GPC5: variants seen among roughly 807,000 people sequenced by gnomAD.
GPC5 encodes the protein glypican-5.
A neutral mutation model predicts 53.9 loss-of-function variants in GPC5; 47 were observed. The ratio of observed to expected loss-of-function variants is 0.87; its 90% CI spans 0.69 to 1.11. The LOEUF (loss-of-function observed/expected upper bound fraction) is 1.11. GPC5 is among the 50% of genes most tolerant of loss of function. The pLI is 0.00. For missense variants in GPC5, 748 were observed against 713.1 expected (o/e 1.05, Z -0.56); for synonymous variants, 286 against 263.3 (o/e 1.09, Z -0.84).
rs527509188 is a variant in GPC5 at position 91,696,819 on chromosome 13, T to G, written c.1020+2938T>G. ...CAAGATAATTTTTTAAATTTCATAA[T>G]TCTGTGATTTTATTAAGACAAAGTT... On this transcript the variant is annotated intron_variant, in intron 3 of 7. Coordinates refer to ENST00000377067, the MANE Select transcript of GPC5 (RefSeq NM_004466.6). Among the ~76,000 whole-genome samples the G allele has an allele frequency of 3.9e-3, 596 of 152,362 alleles. 2 individuals are homozygous for G. The highest frequency in any genetic ancestry group is 6.8e-3 in the Middle Eastern group (2 of 294).
rs187495354 is a variant in GPC5, at chr13:92,195,219, C to T, written c.1561+50230C>T. ...CTCTAATCTAGAGACAGCCAAAAAA[C>T]GGTGGTGGTGGTTGTTCTTTTTAAT... is the stretch of plus-strand genomic sequence containing the variant. On this transcript the variant is annotated intron_variant, in intron 7 of 7. Transcript: ENST00000377067. 1.0e-3 allele frequency among the ~76,000 whole-genome samples: 156 copies of T among 152,110 alleles called. 1 individual carries two copies. The highest frequency in any genetic ancestry group is 6.8e-3 in the Middle Eastern group (2 of 294).
At chr13:91,982,483 GA>G (rs530802836) in intron 6 of GPC5, among the ~76,000 whole-genome samples, 127 of 143,698 alleles carry the variant, frequency 8.8e-4, no homozygotes, top group South Asian at 1.3e-3. Flanking sequence ...GTTGTTGAGT[GA>G]AAAAAAAAAG....
intron 3 of GPC5, among the ~76,000 whole-genome samples, chr13:91,723,404 A>C (rs1053399908): frequency 6.6e-6 from 1 of 151,790 alleles, no homozygotes; most frequent in East Asian, 1.9e-4. Context: ...TTGATCTCCA[A>C]TCTATTATTT....
At chr13:92,423,992 T>G (rs974302943) in intron 7 of GPC5, among the ~76,000 whole-genome samples, 2 of 143,402 alleles carry the variant, frequency 1.4e-5, no homozygotes, top group Admixed American at 1.4e-4. Context: ...ATTTCTGCAT[T>G]ATTGTGTAAT....
intron 2 of GPC5, among the ~76,000 whole-genome samples, chr13:91,576,588 C>A (rs139227518): frequency 7.2e-5 from 11 of 152,186 alleles, no homozygotes; most frequent in Non-Finnish European, 1.5e-4. Flanking sequence ...ATTAGTGTAA[C>A]CACAGGGTGT....
chr13:92,854,047 T>C (rs1349884016), intron 7 of GPC5, among the ~76,000 whole-genome samples: 1 of 151,972 alleles, frequency 6.6e-6, no homozygotes, highest in Non-Finnish European at 1.5e-5. Flanking sequence ...TGTGTTGTCG[T>C]CAAGGGCTCC....
chr13:91,886,238 C>A (rs1461872163), intron 5 of GPC5, among the ~76,000 whole-genome samples: 2 of 152,090 alleles, frequency 1.3e-5, no homozygotes, highest in African/African-American at 4.8e-5. Flanking sequence ...GGGGAACTCC[C>A]CTTTATGAAA....
chr13:92,099,800 T>G (rs1024938859), intron 6 of GPC5, among the ~76,000 whole-genome samples: 3 of 152,200 alleles, frequency 2.0e-5, no homozygotes, highest in African/African-American at 7.2e-5. Context: ...ACCCATGACT[T>G]GTTTGTAGCT....
chr13:92,423,426 G>A (rs1435010780), intron 7 of GPC5, among the ~76,000 whole-genome samples: 2 of 151,860 alleles, frequency 1.3e-5, no homozygotes, highest in Non-Finnish European at 2.9e-5. Context: ...AACATTATTT[G>A]CTTATTTTGC....
chr13:92,613,380 T>TA (rs61228489), intron 7 of GPC5, among the ~76,000 whole-genome samples: 1 of 68,362 alleles, frequency 1.5e-5, no homozygotes, highest in Non-Finnish European at 2.5e-5. Context: ...TATAAATATA[T>TA]TATATTATAT....
At chr13:91,446,180 G>C (rs1880791933) in intron 1 of GPC5, among the ~76,000 whole-genome samples, 2 of 152,104 alleles carry the variant, frequency 1.3e-5, no homozygotes, top group Non-Finnish European at 2.9e-5. Context: ...TGCTGCCACT[G>C]CCACCATATT....
intron 6 of GPC5, among the ~76,000 whole-genome samples, chr13:92,091,502 A>G (rs1438900750): frequency 2.6e-5 from 4 of 152,010 alleles, no homozygotes; most frequent in Non-Finnish European, 5.9e-5. Context: ...TGAACAACGC[A>G]TTTATTATAC....
chr13:91,627,734 A>T (rs143617742), intron 2 of GPC5, among the ~76,000 whole-genome samples: 9 of 152,254 alleles, frequency 5.9e-5, no homozygotes, highest in Non-Finnish European at 1.0e-4. Context: ...AAGTTTTGTA[A>T]GATGTGATTT....
intron 4 of GPC5, among the ~76,000 whole-genome samples, chr13:91,753,608 T>C (rs1179345219): frequency 6.6e-6 from 1 of 152,186 alleles, no homozygotes; most frequent in African/African-American, 2.4e-5. Flanking sequence ...GCTGGAAAAC[T>C]TAATGGTTCC....
intron 7 of GPC5, among the ~76,000 whole-genome samples, chr13:92,361,255 C>T (rs943901500): frequency 1.3e-5 from 2 of 151,648 alleles, no homozygotes; most frequent in African/African-American, 4.9e-5. Flanking sequence ...CAGCTTGAAA[C>T]ATCTTGTGGG....
At chr13:91,464,965 C>T (rs1477991525) in intron 2 of GPC5, among the ~76,000 whole-genome samples, 1 of 152,098 alleles carries the variant, frequency 6.6e-6, no homozygotes, top group Non-Finnish European at 1.5e-5. Context: ...CTTCTCTGTA[C>T]ATTTTTTTTT....
intron 7 of GPC5, among the ~76,000 whole-genome samples, chr13:92,164,592 G>A (rs936197714): frequency 7.2e-5 from 11 of 152,166 alleles, no homozygotes; most frequent in African/African-American, 2.7e-4. Context: ...TGCTTTCACA[G>A]GCTGGTGTTG....
intron 7 of GPC5, among the ~76,000 whole-genome samples, chr13:92,822,476 A>G (rs1229406435): frequency 3.3e-5 from 5 of 152,124 alleles, no homozygotes; most frequent in Non-Finnish European, 7.4e-5. Flanking sequence ...AAAAGTCTGA[A>G]GATAAAATAT....
intron 7 of GPC5, among the ~76,000 whole-genome samples, chr13:92,624,440 C>T (rs1178228431): frequency 2.6e-5 from 4 of 152,114 alleles, no homozygotes; most frequent in Admixed American, 1.3e-4. Context: ...CTTTTCCAAA[C>T]GTTTACTTCT....
Sources: gnomAD v4.1 joint callset for allele counts (sites outside exome capture counted in the v4.1 genomes callset) on GRCh38, gnomAD v4.1.1 for gene constraint, MANE v1.5 for transcripts, NCBI Gene and HGNC (gene_info 2026-07-23, HGNC 2026-07-21) for gene names.